The following ADAM12 variants were observed in gnomAD, a reference collection of about 807,000 sequenced individuals.
The protein encoded by ADAM12 is ADAM metallopeptidase domain 12.
ADAM12 carries 70 observed loss-of-function variants against 106.4 expected under a neutral mutation model. The observed-to-expected ratio is 0.66, with a 90% CI of 0.54 to 0.80. The LOEUF is 0.80. ADAM12 is among the 30% of genes least tolerant of loss of function. The pLI is 0.00. For synonymous variants in ADAM12, 420 were observed against 433.5 expected, an observed-to-expected ratio of 0.97 and a Z score of 0.39; for missense variants, 1,010 against 1,171.9, an observed-to-expected ratio of 0.86 and a Z score of 2.02.
At chr10:126,152,008 G>GTTTTTTTTTTTTTTTTTTTTTTT (rs59527849) in intron 4 of ADAM12, among the ~76,000 whole-genome samples, 1 of 133,102 alleles carries the variant, frequency 7.5e-6, no homozygotes, top group Admixed American at 7.4e-5. Context: ...TCCCTCTTGA[G>GTTTTTTTTTTTTTTTTTTTTTTT]TTTTTTTTTT....
chr10:126,142,771 T>C (rs1956537166), intron 4 of ADAM12, among the ~76,000 whole-genome samples: 1 of 152,194 alleles, frequency 6.6e-6, no homozygotes, highest in Admixed American at 6.5e-5. Context: ...GGTGAAGTCA[T>C]TTCCAAACTC....
At chr10:126,228,861 A>T (rs1958252553) in intron 3 of ADAM12, among the ~76,000 whole-genome samples, 1 of 152,186 alleles carries the variant, frequency 6.6e-6, no homozygotes, top group South Asian at 2.1e-4. Flanking sequence ...TGCAAGTATA[A>T]AATAAACCAA....
At chr10:126,046,032 A>G (rs768510747) in intron 17 of ADAM12, 23 bp downstream of exon 17, 1 of 1,606,286 alleles carries the variant, frequency 6.2e-7, no homozygotes, top group Non-Finnish European at 8.5e-7. Flanking sequence ...GCTGGCTGTA[A>G]AAGGGCAGCT....
intron 20 of ADAM12, 119 bp from the exon 21 acceptor site, chr10:126,036,444 A>G: frequency 2.1e-6 from 2 of 962,368 alleles, no homozygotes; most frequent in Non-Finnish European, 3.0e-6. Flanking sequence ...GGGTAAAGGA[A>G]AGAAATCAAG....
intron 3 of ADAM12, among the ~76,000 whole-genome samples, chr10:126,257,645 G>A (rs548641647): frequency 1.3e-5 from 2 of 152,220 alleles, no homozygotes; most frequent in East Asian, 1.9e-4. Context: ...AATTTACATC[G>A]CAGATAAAAT....
At chr10:126,377,780 T>C (rs998181836) in intron 1 of ADAM12, among the ~76,000 whole-genome samples, 1 of 152,194 alleles carries the variant, frequency 6.6e-6, no homozygotes, top group Non-Finnish European at 1.5e-5. Context: ...GTGTGCTTGC[T>C]GGTTATCAGA....
chr10:126,211,127 T>C lies in ADAM12; in HGVS notation c.261-55822A>G, dbSNP rs542530213. 1.3e-4 allele frequency among the ~76,000 whole-genome samples: 20 copies of C among 152,202 alleles called. No individual in the cohort carries two copies. In the South Asian group the frequency reaches 4.2e-3, roughly 32 times the overall value. ...GAGTTATGGGAGCTGCTCTCGCCATTTGCAACCACAGGGTGTGCACAGGGG... is the reference window on the plus strand; with the variant it reads ...GAGTTATGGGAGCTGCTCTCGCCATCTGCAACCACAGGGTGTGCACAGGGG... On this transcript the variant is annotated intron_variant, in intron 3 of 22. Transcript: ENST00000448723.
At chr10:126,370,179 G>A (rs1856061144) in intron 1 of ADAM12, among the ~76,000 whole-genome samples, 1 of 152,160 alleles carries the variant, frequency 6.6e-6, no homozygotes, top group African/African-American at 2.4e-5. Flanking sequence ...ACTGAAACCA[G>A]TGAAAGAAGC....
chr10:126,282,471 G>C (rs1359518952), intron 2 of ADAM12, among the ~76,000 whole-genome samples: 1 of 152,054 alleles, frequency 6.6e-6, no homozygotes. Context: ...TCATTATCTT[G>C]ATTTCCTCTA....
At chr10:126,244,674 T>C (rs1217257723) in intron 3 of ADAM12, among the ~76,000 whole-genome samples, 19 of 152,188 alleles carry the variant, frequency 1.2e-4, no homozygotes, top group Admixed American at 1.2e-3. Context: ...ACACTAAATG[T>C]CATATCTCAG....
At chr10:126,125,864 AG>A (rs1268077583) in intron 5 of ADAM12, among the ~76,000 whole-genome samples, 1 of 151,518 alleles carries the variant, frequency 6.6e-6, no homozygotes, top group East Asian at 2.0e-4. Context: ...GACGTAGGGA[AG>A]AAGGCCAAGC....
intron 3 of ADAM12, among the ~76,000 whole-genome samples, chr10:126,270,753 T>TC (rs1418037728): frequency 1.3e-5 from 2 of 151,638 alleles, no homozygotes; most frequent in Non-Finnish European, 2.9e-5. Flanking sequence ...AGGGCAGGAG[T>TC]CCATGTGTGA....
At position 126,158,235 on chromosome 10, in the gene ADAM12, T is replaced by G. The variant is rs937956819; in HGVS notation, c.261-2930A>C. Among the ~76,000 whole-genome samples, 61 of 125,106 alleles carry G rather than the reference T, an allele frequency of 4.9e-4. No individual in the cohort carries two copies. In the Admixed American group the frequency reaches 5.5e-3, roughly 11 times the overall value. 82.1% of individuals were successfully genotyped at this position (125,106 alleles called of 152,430 possible). A position where few individuals can be genotyped will look rare whatever the true frequency, so the allele number is the denominator to read the frequency against. On this transcript the variant is annotated intron_variant, in intron 3 of 22. Coordinates refer to ENST00000448723, the MANE Select transcript of ADAM12 (RefSeq NM_001288973.2). ...GACATATCTGCAGAGCACGGGGTAA[T>G]GCACACAGCACGGGAGAAAGCACAG...
intron 6 of ADAM12, among the ~76,000 whole-genome samples, chr10:126,115,661 A>G (rs1955968235): frequency 6.6e-6 from 1 of 152,236 alleles, no homozygotes; most frequent in Admixed American, 6.5e-5. Flanking sequence ...CAGTCTTTGC[A>G]ATAGTTAACA....
intron 19 of ADAM12, among the ~76,000 whole-genome samples, chr10:126,038,946 C>T (rs1186507294): frequency 7.0e-6 from 1 of 142,032 alleles, no homozygotes; most frequent in African/African-American, 2.6e-5. Flanking sequence ...TTCTGAGACA[C>T]CATTTCTTTT....
At chr10:126,072,902 G>A (rs1227234629) in intron 11 of ADAM12, among the ~76,000 whole-genome samples, 3 of 152,090 alleles carry the variant, frequency 2.0e-5, no homozygotes, top group South Asian at 4.2e-4. Flanking sequence ...CCAAACCAAC[G>A]CAAGCTGCTA....
intron 4 of ADAM12, among the ~76,000 whole-genome samples, chr10:126,139,581 T>C (rs1298325798): frequency 1.3e-5 from 2 of 151,518 alleles, no homozygotes; most frequent in African/African-American, 4.9e-5. Flanking sequence ...TGGCTAGGTA[T>C]GCAGGGGCCA....
At chr10:126,382,174 T>C (rs1470179290) in intron 1 of ADAM12, among the ~76,000 whole-genome samples, 1 of 137,510 alleles carries the variant, frequency 7.3e-6, no homozygotes, top group Non-Finnish European at 1.7e-5. Flanking sequence ...CACTGGGCAC[T>C]GGAACAGGGG....
At chr10:126,102,323 T>A (rs1158553780) in intron 8 of ADAM12, among the ~76,000 whole-genome samples, 1 of 152,042 alleles carries the variant, frequency 6.6e-6, no homozygotes. Flanking sequence ...TCTTCTGAGA[T>A]CCCAGGTAGC....
Sources: allele counts gnomAD v4.1 joint callset (sites outside exome capture counted in the v4.1 genomes callset), GRCh38; gene constraint gnomAD v4.1.1; transcripts MANE v1.5; gene names NCBI Gene and HGNC (gene_info 2026-07-23, HGNC 2026-07-21).